Variants in CMPK2 observed in about 807,000 individuals in gnomAD.
CMPK2 encodes cytidine/uridine monophosphate kinase 2.
CMPK2 carries 32 observed loss-of-function variants against 33.4 expected under a neutral mutation model. The ratio of observed to expected loss-of-function variants is 0.96; its 90% CI spans 0.72 to 1.29. The LOEUF (loss-of-function observed/expected upper bound fraction) is 1.29. Ranked by LOEUF, CMPK2 falls within the 50% of genes most tolerant of loss-of-function variation. The probability of loss-of-function intolerance (pLI) is 0.00; values close to 1 mark genes in which losing one functional copy is unlikely to be tolerated. For missense variants in CMPK2, 672 were observed against 616.0 expected (o/e 1.09, Z -0.96); for synonymous variants, 299 against 275.3 (o/e 1.09, Z -0.85).
Position 6,853,491 on chromosome 2 carries a change from G to C in CMPK2, c.993-1808C>G, listed in dbSNP as rs74839459. Among the ~76,000 whole-genome samples, 114 of 152,086 alleles carry C rather than the reference G, an allele frequency of 7.5e-4. No individual in the cohort carries two copies. The East Asian group carries it at 0.011, about 15-fold the overall frequency. On this transcript the variant is annotated intron_variant, in intron 3 of 4. Coordinates refer to ENST00000256722, the MANE Select transcript of CMPK2 (RefSeq NM_207315.4). ...CAAGGTTTGTTTTCCTTCCATAGTTGTTACAAATACAGACAAGTGCTTAAA... is the reference window on the plus strand; with the variant it reads ...CAAGGTTTGTTTTCCTTCCATAGTTCTTACAAATACAGACAAGTGCTTAAA...
At chr2:6,853,135 A>C (rs1179113232) in intron 3 of CMPK2, among the ~76,000 whole-genome samples, 1 of 152,154 alleles carries the variant, frequency 6.6e-6, no homozygotes, top group African/African-American at 2.4e-5. Context: ...TTTTTAATAG[A>C]GATGGGGTTT....
At chr2:6,841,519 G>T (rs1378309779) in intron 3 of CMPK2, among the ~76,000 whole-genome samples, 3 of 152,220 alleles carry the variant, frequency 2.0e-5, no homozygotes, top group Non-Finnish European at 2.9e-5. Flanking sequence ...GAAAAGTTTG[G>T]TGAAGGATCT....
intron 3 of CMPK2, among the ~76,000 whole-genome samples, chr2:6,860,810 G>A (rs1446462795): frequency 6.6e-6 from 1 of 152,166 alleles, no homozygotes; most frequent in African/African-American, 2.4e-5. Context: ...ATAAATGACT[G>A]AAAGTATAGA....
intron 3 of CMPK2, among the ~76,000 whole-genome samples, chr2:6,857,138 C>T (rs1662727887): frequency 1.3e-5 from 2 of 152,098 alleles, no homozygotes; most frequent in Non-Finnish European, 2.9e-5. Flanking sequence ...AGTAGTTTCA[C>T]CAACTGGAGG....
Position 6,841,252 on chromosome 2 carries a change from C to T in CMPK2, c.993-574G>A, listed in dbSNP as rs71436161. On this transcript the variant is annotated intron_variant, in intron 3 of 3. Transcript: ENST00000458098. ...TTGACATAGAAATGCCTCTACCCAG[C>T]TAGTGAAGGCATCCACCCACAACAA... Among the ~76,000 whole-genome samples the T allele has an allele frequency of 7.0e-3, 1,059 of 152,216 alleles. 5 individuals are homozygous for T. Among genetic ancestry groups the T allele is most frequent in the Non-Finnish European group, 0.011 (781 of 67,996 alleles).
chr2:6,860,065 C>T (rs1224852307), intron 3 of CMPK2, among the ~76,000 whole-genome samples: 1 of 152,250 alleles, frequency 6.6e-6, no homozygotes, highest in Non-Finnish European at 1.5e-5. Flanking sequence ...TAAGATTTGA[C>T]TGCCCAGCTG....
chr2:6,842,060 A>C (rs898643966), intron 3 of CMPK2, among the ~76,000 whole-genome samples: 2 of 152,148 alleles, frequency 1.3e-5, no homozygotes, highest in Non-Finnish European at 2.9e-5. Flanking sequence ...GTGTGCTTTT[A>C]ATGATGTCAT....
intron 3 of CMPK2, among the ~76,000 whole-genome samples, chr2:6,858,080 T>C (rs1297152116): frequency 1.3e-5 from 2 of 152,134 alleles, no homozygotes; most frequent in African/African-American, 4.8e-5. Context: ...CACCTCCACA[T>C]TTACTATGTT....
At chr2:6,863,666 TG>T (rs1360081654) in intron 1 of CMPK2, 88 bp from the exon 2 acceptor site, 10 of 903,444 alleles carry the variant, frequency 1.1e-5, no homozygotes, top group Non-Finnish European at 1.6e-5. Context: ...TATTGCCGCA[TG>T]CTAATAAGGC....
Position 6,865,484 on chromosome 2 carries a change from G to A in CMPK2, c.213C>T (p.Arg71=), listed in dbSNP as rs1663047079. 1.6e-6 allele frequency: 2 copies of A among 1,270,584 alleles called. No homozygotes were observed. Among genetic ancestry groups the A allele is most frequent in the Non-Finnish European group, 2.0e-6 (2 of 1,013,006 alleles). 78.7% of individuals were successfully genotyped at this position (1,270,584 alleles called of 1,614,324 possible). ...TCACGGGCACGCACAGCGAGTAGCT[G>A]CGCTCCGGGGGCCCCAGCAGCGCCG... is the stretch of plus-strand genomic sequence containing the variant. ...RLAALLGPPE[R]SYSLCVPVTP... Residue 71 remains arginine, a synonymous_variant, in exon 1 of 5, where the codon CGC becomes CGT. Transcript: ENST00000256722.
Position 6,865,357 on chromosome 2 carries a change from T to C in CMPK2, c.340A>G (p.Arg114Gly), listed in dbSNP as rs1292360249. 4 of 1,437,812 alleles carry C rather than the reference T, an allele frequency of 2.8e-6. No homozygotes were observed. Among genetic ancestry groups the C allele is most frequent in the Non-Finnish European group, 3.6e-6 (4 of 1,104,448 alleles). 89.1% of individuals were successfully genotyped at this position (1,437,812 alleles called of 1,614,324 possible). ...CCGCCCGGGCAGTAGCAGAGCAGCC[T>C]GAGCAGCTGGCACCGCTGGAAGGGG... is the stretch of plus-strand genomic sequence containing the variant. ...RGPFQRCQLL[R>G]LLCYCPGGQA... The change falls in exon 1 of 5, where the codon AGG becomes GGG. Residue 114 changes from arginine to glycine, a missense_variant. By Grantham distance (125) the Arg-to-Gly change is moderately radical. Transcript: ENST00000256722.
chr2:6,858,780 A>G (rs184363435), intron 3 of CMPK2, among the ~76,000 whole-genome samples: 1 of 152,332 alleles, frequency 6.6e-6, no homozygotes, highest in Admixed American at 6.5e-5. Flanking sequence ...CTTTATCAGC[A>G]GTGTGAAAAT....
chr2:6,855,532 A>C (rs532008488), intron 3 of CMPK2, among the ~76,000 whole-genome samples: 2 of 152,198 alleles, frequency 1.3e-5, no homozygotes, highest in South Asian at 4.1e-4. Context: ...GAACTAATAC[A>C]GATATCACAT....
chr2:6,855,039 A>C (rs1035763349), intron 3 of CMPK2, among the ~76,000 whole-genome samples: 3 of 151,916 alleles, frequency 2.0e-5, no homozygotes, highest in Non-Finnish European at 1.5e-5. Flanking sequence ...ATCAAAAAAG[A>C]TGTCAATATG....
chr2:6,846,418 G>A (rs913876769), downstream of CMPK2, among the ~76,000 whole-genome samples: 10 of 75,288 alleles, frequency 1.3e-4, no homozygotes, highest in African/African-American at 2.9e-4. Flanking sequence ...TTAGACTGAA[G>A]TCTTGAATTC....
intron 3 of CMPK2, among the ~76,000 whole-genome samples, chr2:6,854,800 T>C (rs900119560): frequency 1.3e-5 from 2 of 152,022 alleles, no homozygotes; most frequent in Admixed American, 1.3e-4. Flanking sequence ...TCCACACACA[T>C]CCACTCACTG....
At chr2:6,847,550 A>AT (rs945402321), downstream of CMPK2, among the ~76,000 whole-genome samples, 1 of 151,888 alleles carries the variant, frequency 6.6e-6, no homozygotes, top group African/African-American at 2.4e-5. Context: ...CTGCAGCTTG[A>AT]TTTTTTCCCC....
chr2:6,865,350 A>C lies in CMPK2; in HGVS notation c.347T>G (p.Leu116Arg). 6.9e-7 allele frequency: 1 copy of C among 1,450,484 alleles called. No homozygotes were observed. Among genetic ancestry groups the C allele is most frequent in the Non-Finnish European group, 9.0e-7 (1 of 1,110,288 alleles). The allele number at this position is 1,450,484 out of a possible 1,614,324, so 89.9% of individuals were successfully genotyped here. A position where few individuals can be genotyped will look rare whatever the true frequency, so the allele number is the denominator to read the frequency against. Reference sequence around the variant, plus strand: ...GGCCTGGCCGCCCGGGCAGTAGCAGAGCAGCCTGAGCAGCTGGCACCGCTG... The same window carrying C: ...GGCCTGGCCGCCCGGGCAGTAGCAGCGCAGCCTGAGCAGCTGGCACCGCTG... ...PFQRCQLLRLLCYCPGGQAGG... is the reference protein window; with the variant it reads ...PFQRCQLLRLRCYCPGGQAGG... The change falls in exon 1 of 5, where the codon CTC becomes CGC. Residue 116 changes from leucine (L) to arginine (R), a missense_variant. Leu to Arg is a moderately radical substitution (Grantham distance 102). Coordinates refer to ENST00000256722, the MANE Select transcript of CMPK2 (RefSeq NM_207315.4).
chr2:6,865,055 C>T lies in CMPK2; in HGVS notation c.642G>A (p.Pro214=), dbSNP rs768509056. The T allele has an allele frequency of 1.4e-6, 2 of 1,438,622 alleles. No homozygotes were observed. Among genetic ancestry groups the T allele is most frequent in the Admixed American group, 2.9e-5 (1 of 34,570 alleles). The allele number at this position is 1,438,622 out of a possible 1,614,324, so 89.1% of individuals were successfully genotyped here. ...VPDLPSSVVF[P]DREAARAVLE... is the part of the protein sequence containing the mutation. ...AAACGGCCCGGGCGGCTTCCCGGTC[C>T]GGGAAGACCACGGAACTGGGCAAGT... The change falls in exon 1 of 5, where the codon CCG becomes CCA. Residue 214 remains proline (P), a synonymous_variant. Transcript: ENST00000256722.
Sources: allele counts gnomAD v4.1 joint callset (sites outside exome capture counted in the v4.1 genomes callset), GRCh38; gene constraint gnomAD v4.1.1; transcripts MANE v1.5; gene names NCBI Gene and HGNC (gene_info 2026-07-23, HGNC 2026-07-21).